The following NRXN1 variants were observed in gnomAD, a reference collection of about 807,000 sequenced individuals.
NRXN1 encodes neurexin-1.
Under a neutral mutation model 150.9 loss-of-function variants are expected in NRXN1, and 39 were observed. That is an observed-to-expected ratio of 0.26 (90% CI 0.20 to 0.34). The LOEUF is 0.34. Among genes scored for constraint, NRXN1 ranks in the 10% least tolerant of loss-of-function variants. The pLI is 1.00. For synonymous variants in NRXN1, 924 were observed against 757.0 expected, an observed-to-expected ratio of 1.22 and a Z score of -3.62; for missense variants, 1,815 against 1,949.9, an observed-to-expected ratio of 0.93 and a Z score of 1.30.
At position 49,991,737 on chromosome 2, in the gene NRXN1, C is replaced by G. The variant is rs556688102; in HGVS notation, c.4129-47946G>C. Reference sequence around the variant, plus strand: ...AAGTTATTTTGTGGATGTTGACAAACTGATTCTAAAGTTTATATGGAGAGG... The same window carrying G: ...AAGTTATTTTGTGGATGTTGACAAAGTGATTCTAAAGTTTATATGGAGAGG... On this transcript the variant is annotated intron_variant, in intron 21 of 22. Coordinates refer to ENST00000401669, the MANE Select transcript of NRXN1 (RefSeq NM_001330078.2). 2.6e-5 allele frequency among the ~76,000 whole-genome samples: 4 copies of G among 152,254 alleles called. No individual in the cohort carries two copies. The East Asian group carries it at 7.7e-4, about 29-fold the overall frequency.
intron 18 of NRXN1, among the ~76,000 whole-genome samples, chr2:50,139,016 C>T (rs1671332935): frequency 1.3e-5 from 2 of 151,946 alleles, no homozygotes; most frequent in African/African-American, 4.8e-5. Flanking sequence ...TTGATAGTCA[C>T]CAGGGAAGAA....
At chr2:50,950,441 C>T (rs974468331) in intron 2 of NRXN1, among the ~76,000 whole-genome samples, 2 of 151,956 alleles carry the variant, frequency 1.3e-5, no homozygotes, top group South Asian at 2.1e-4. Flanking sequence ...GAATTTCTTC[C>T]GTTAAAGAGA....
rs75274384 is a variant in NRXN1 at position 50,127,724 on chromosome 2, A to G, written c.3547-36230T>C. The stretch of plus-strand genomic sequence containing the variant: ...AGAATGATGATGACGTATATAAAAT[A>G]TGGAAAGTCTTTATGCTTTGCTTTT... On this transcript the variant is annotated intron_variant, in intron 18 of 22. Transcript: ENST00000401669. Among the ~76,000 whole-genome samples the G allele has an allele frequency of 1.3e-3, 196 of 152,336 alleles. 5 individuals are homozygous for G. The East Asian group carries it at 0.033, about 26-fold the overall frequency.
intron 17 of NRXN1, among the ~76,000 whole-genome samples, chr2:50,384,568 C>G (rs984061212): frequency 6.7e-6 from 1 of 150,334 alleles, no homozygotes; most frequent in Non-Finnish European, 1.5e-5. Flanking sequence ...GTTTAGGGCC[C>G]AGTTTCAGTT....
intron 17 of NRXN1, among the ~76,000 whole-genome samples, chr2:50,273,774 A>G (rs1357985251): frequency 6.6e-6 from 1 of 152,200 alleles, no homozygotes; most frequent in African/African-American, 2.4e-5. Context: ...CATATGAAAA[A>G]AAGCTCATCA....
At chr2:50,662,022 A>T in intron 5 of NRXN1, among the ~76,000 whole-genome samples, 1 of 152,056 alleles carries the variant, frequency 6.6e-6, no homozygotes, top group South Asian at 2.1e-4. Context: ...GACAGTATTG[A>T]TATTACAATG....
chr2:50,348,238 A>AC (rs2078187725), intron 17 of NRXN1, among the ~76,000 whole-genome samples: 1 of 152,194 alleles, frequency 6.6e-6, no homozygotes, highest in African/African-American at 2.4e-5. Flanking sequence ...TCTTCTTCCC[A>AC]TTACCATATT....
intron 2 of NRXN1, among the ~76,000 whole-genome samples, chr2:51,013,030 G>C (rs1324832110): frequency 1.3e-5 from 2 of 152,036 alleles, no homozygotes; most frequent in Non-Finnish European, 2.9e-5. Flanking sequence ...TGAGATGTAA[G>C]AGACACCACT....
chr2:50,518,350 G>T lies in NRXN1; in HGVS notation c.2374+10275C>A, dbSNP rs540066958. 4.6e-5 allele frequency among the ~76,000 whole-genome samples: 7 copies of T among 151,820 alleles called. No individual in the cohort carries two copies. The East Asian group carries it at 1.2e-3, about 25-fold the overall frequency. ...TTTTTTTCAAAAGGTCAATTCCAAG[G>T]GATGCTTATCACATAACAGGACAGC... On this transcript the variant is annotated intron_variant, in intron 12 of 22. Coordinates refer to ENST00000401669, the MANE Select transcript of NRXN1 (RefSeq NM_001330078.2).
rs138774881 is a variant in NRXN1 at position 50,965,691 on chromosome 2, C to T, written c.773-39736G>A. Among the ~76,000 whole-genome samples, 782 of 151,398 alleles carry T rather than the reference C, an allele frequency of 5.2e-3. 7 individuals are homozygous for T. The highest frequency in any genetic ancestry group is 0.018 in the African/African-American group (735 of 41,436). ...CTTATATTTGGCTAGGTAAAACTCA[C>T]GGTTTTAATGCTGACAAGAAATTAG... On this transcript the variant is annotated intron_variant, in intron 2 of 22. Coordinates refer to ENST00000401669, the MANE Select transcript of NRXN1 (RefSeq NM_001330078.2).
At chr2:50,885,257 T>C (rs146542788) in intron 5 of NRXN1, among the ~76,000 whole-genome samples, 75 of 151,594 alleles carry the variant, frequency 4.9e-4, no homozygotes, top group South Asian at 2.9e-3. Flanking sequence ...TTATGAACTA[T>C]ATCCAATGGT....
chr2:50,452,725 C>A (rs989822750), intron 17 of NRXN1, among the ~76,000 whole-genome samples: 1 of 152,128 alleles, frequency 6.6e-6, no homozygotes, highest in Non-Finnish European at 1.5e-5. Context: ...ATATAAATGG[C>A]AATTTTGACA....
intron 21 of NRXN1, among the ~76,000 whole-genome samples, chr2:49,983,200 TATTTC>T (rs1476038716): frequency 6.6e-6 from 1 of 152,208 alleles, no homozygotes; most frequent in Non-Finnish European, 1.5e-5. Flanking sequence ...ATAGTTTGTA[TATTTC>T]TTTTCTTTTT....
At chr2:50,226,713 T>C (rs1486839244) in intron 18 of NRXN1, among the ~76,000 whole-genome samples, 1 of 151,948 alleles carries the variant, frequency 6.6e-6, no homozygotes, top group African/African-American at 2.4e-5. Context: ...ACTAGAATCT[T>C]GCTTCAAGAT....
At chr2:50,878,400 A>T (rs1678927457) in intron 5 of NRXN1, among the ~76,000 whole-genome samples, 1 of 151,862 alleles carries the variant, frequency 6.6e-6, no homozygotes, top group African/African-American at 2.4e-5. Flanking sequence ...TCTTTTGATC[A>T]ATTGCTGAGC....
At chr2:51,030,736 A>G (rs376502010) in intron 1 of NRXN1, among the ~76,000 whole-genome samples, 3 of 152,194 alleles carry the variant, frequency 2.0e-5, no homozygotes, top group South Asian at 2.1e-4. Flanking sequence ...AATCATCTGA[A>G]ATAGCATATT....
At chr2:50,721,176 T>A (rs1293681798) in intron 5 of NRXN1, among the ~76,000 whole-genome samples, 1 of 152,162 alleles carries the variant, frequency 6.6e-6, no homozygotes, top group African/African-American at 2.4e-5. Context: ...CTCACATAGC[T>A]GCTCTCTCAG....
At chr2:50,063,604 A>G (rs1183533160) in intron 19 of NRXN1, among the ~76,000 whole-genome samples, 1 of 149,694 alleles carries the variant, frequency 6.7e-6, no homozygotes, top group African/African-American at 2.5e-5. Flanking sequence ...GGCTGGCTAA[A>G]TTTTTTCTTT....
chr2:50,203,282 C>T (rs1187809602), intron 18 of NRXN1, among the ~76,000 whole-genome samples: 1 of 152,122 alleles, frequency 6.6e-6, no homozygotes, highest in Non-Finnish European at 1.5e-5. Context: ...ATTGGTCTAA[C>T]TTTTTCTTAA....
Sources: gnomAD v4.1 joint callset for allele counts (sites outside exome capture counted in the v4.1 genomes callset) on GRCh38, gnomAD v4.1.1 for gene constraint, MANE v1.5 for transcripts, NCBI Gene and HGNC (gene_info 2026-07-23, HGNC 2026-07-21) for gene names.